Variants in RALA observed in about 807,000 individuals in gnomAD.
RALA encodes ras-related protein Ral-A.
A neutral mutation model predicts 24.0 loss-of-function variants in RALA; 5 were observed. The ratio of observed to expected loss-of-function variants is 0.21; its 90% CI spans 0.11 to 0.44. The LOEUF (loss-of-function observed/expected upper bound fraction) is 0.44. RALA is among the 20% of genes least tolerant of loss of function. The pLI is 0.99. For missense variants in RALA, 95 were observed against 241.2 expected, an observed-to-expected ratio of 0.39 and a Z score of 4.01; for synonymous variants, 77 against 83.8, an observed-to-expected ratio of 0.92 and a Z score of 0.44.
At chr7:39,653,015 C>T (rs1279412148) in intron 1 of RALA, among the ~76,000 whole-genome samples, 1 of 148,600 alleles carries the variant, frequency 6.7e-6, no homozygotes, top group Non-Finnish European at 1.5e-5. Flanking sequence ...CCAGGCTGGT[C>T]TCAAACTATT....
At chr7:39,677,604 G>C (rs1263114264) in intron 1 of RALA, among the ~76,000 whole-genome samples, 8 of 35,878 alleles carry the variant, frequency 2.2e-4, no homozygotes, top group Non-Finnish European at 4.3e-4. Flanking sequence ...GGTATTTCTA[G>C]TTCTAGATCC....
At chr7:39,691,078 C>G (rs564701761) in intron 3 of RALA, among the ~76,000 whole-genome samples, 1 of 152,234 alleles carries the variant, frequency 6.6e-6, no homozygotes, top group South Asian at 2.1e-4. Context: ...TACATGGGAA[C>G]CTTCAGAATG....
At chr7:39,686,481 C>A in intron 1 of RALA, 150 bp from the exon 2 acceptor site, 1 of 503,752 alleles carries the variant, frequency 2.0e-6, no homozygotes. Context: ...CATGGTTTTT[C>A]CCCTAAGTGA....
intron 1 of RALA, among the ~76,000 whole-genome samples, chr7:39,675,433 C>G (rs1397702282): frequency 6.6e-6 from 1 of 152,168 alleles, no homozygotes; most frequent in Non-Finnish European, 1.5e-5. Flanking sequence ...GTTCTTCTGT[C>G]AGTTAGGAAA....
rs374682685 is a variant in RALA, at chr7:39,654,241, G to A, written c.-38+30416G>A. Among the ~76,000 whole-genome samples, 21 of 152,254 alleles carry A rather than the reference G, an allele frequency of 1.4e-4. No individual in the cohort carries two copies. In the East Asian group the frequency reaches 1.7e-3, roughly 13 times the overall value. ...CATTGAATAATATGTTATCAAATAT[G>A]CATTAAATTGGTCGTCTTAGAAATG... On this transcript the variant is annotated intron_variant, in intron 1 of 4. Coordinates refer to ENST00000005257, the MANE Select transcript of RALA (RefSeq NM_005402.4).
intron 1 of RALA, among the ~76,000 whole-genome samples, chr7:39,636,185 G>A (rs528369036): frequency 6.6e-6 from 1 of 152,224 alleles, no homozygotes; most frequent in Non-Finnish European, 1.5e-5. Context: ...ATGTGTTTTT[G>A]CATAGATGTA....
chr7:39,669,401 C>G (rs899654326), intron 1 of RALA, among the ~76,000 whole-genome samples: 4 of 152,096 alleles, frequency 2.6e-5, no homozygotes, highest in Non-Finnish European at 5.9e-5. Flanking sequence ...ACCAAAAGAT[C>G]AGAGAAGCAG....
chr7:39,659,987 T>G lies in RALA; in HGVS notation c.-37-26644T>G, dbSNP rs533687018. 8.0e-4 allele frequency among the ~76,000 whole-genome samples: 122 copies of G among 152,300 alleles called. 4 individuals are homozygous for G. The East Asian group carries it at 0.021, about 27-fold the overall frequency. ...GTGCAGCTCTTGGCCCTTGGATGCC[T>G]GTGGCTGGGAGTCTGAATCTGTCTG... On this transcript the variant is annotated intron_variant, in intron 1 of 4. Coordinates refer to ENST00000005257, the MANE Select transcript of RALA (RefSeq NM_005402.4).
In RALA at chr7:39,706,134, T is replaced by C; in HGVS notation, c.510T>C (p.Asp170=). 3.1e-6 allele frequency: 5 copies of C among 1,603,500 alleles called. No individual in the cohort carries two copies. In the African/African-American group the frequency reaches 5.4e-5, roughly 17 times the overall value. Residue 170 remains aspartate, a synonymous_variant, in exon 5 of 5, where the codon GAT becomes GAC. Transcript: ENST00000005257. ...TRANVDKVFF[D]LMREIRARKM... is the part of the protein sequence containing the mutation. Reference sequence around the variant, plus strand: ...TTTTTTCTTTCTAGGTATTTTTTGATTTAATGAGAGAAATTCGAGCGAGAA... The same window carrying C: ...TTTTTTCTTTCTAGGTATTTTTTGACTTAATGAGAGAAATTCGAGCGAGAA...
chr7:39,697,760 T>G (rs1792947589), intron 4 of RALA, among the ~76,000 whole-genome samples: 1 of 152,150 alleles, frequency 6.6e-6, no homozygotes, highest in African/African-American at 2.4e-5. Flanking sequence ...AAGTACTAGG[T>G]TAAAAAAAAA....
chr7:39,627,996 A>G (rs1791523274), intron 1 of RALA, among the ~76,000 whole-genome samples: 1 of 151,616 alleles, frequency 6.6e-6, no homozygotes, highest in African/African-American at 2.4e-5. Context: ...TTTCTTACCT[A>G]ACCCTTTAGC....
intron 1 of RALA, among the ~76,000 whole-genome samples, chr7:39,667,519 C>G (rs766354363): frequency 1.3e-5 from 2 of 152,198 alleles, no homozygotes; most frequent in Non-Finnish European, 2.9e-5. Context: ...CCAGCATTCC[C>G]GTGAGGGAGG....
At chr7:39,685,004 T>C (rs191657792) in intron 1 of RALA, among the ~76,000 whole-genome samples, 1 of 152,304 alleles carries the variant, frequency 6.6e-6, no homozygotes, top group East Asian at 1.9e-4. Flanking sequence ...ACTAGAGGAA[T>C]ACTTATACTA....
intron 2 of RALA, 44 bp downstream of exon 2, chr7:39,686,825 G>A: frequency 1.4e-6 from 2 of 1,416,536 alleles, no homozygotes; most frequent in Non-Finnish European, 2.0e-6. Flanking sequence ...GGCTTTCAGA[G>A]AGTATTTCCC....
chr7:39,681,579 C>T (rs182269496), intron 1 of RALA, among the ~76,000 whole-genome samples: 15 of 152,120 alleles, frequency 9.9e-5, no homozygotes, highest in African/African-American at 3.6e-4. Context: ...TATCTCACCT[C>T]AGTCGGTCGG....
At chr7:39,666,410 A>T (rs780125191) in intron 1 of RALA, among the ~76,000 whole-genome samples, 39 of 152,370 alleles carry the variant, frequency 2.6e-4, no homozygotes, top group Non-Finnish European at 3.5e-4. Context: ...ATTCAACAGC[A>T]TTCAAGATCA....
chr7:39,636,490 G>T (rs144244908), intron 1 of RALA, among the ~76,000 whole-genome samples: 5 of 152,072 alleles, frequency 3.3e-5, no homozygotes, highest in Non-Finnish European at 7.4e-5. Flanking sequence ...TTAGCATATC[G>T]TGTATGCCTT....
intron 1 of RALA, among the ~76,000 whole-genome samples, chr7:39,680,397 A>AC (rs10631062): frequency 0.46 from 66,890 of 146,414 alleles, 15,796 homozygotes; most frequent in African/African-American, 0.53. Flanking sequence ...AAAAACAAAA[A>AC]AAACACAAAT....
At chr7:39,661,484 C>A (rs190214541) in intron 1 of RALA, among the ~76,000 whole-genome samples, 1 of 152,206 alleles carries the variant, frequency 6.6e-6, no homozygotes, top group Non-Finnish European at 1.5e-5. Context: ...GGTAAATGCA[C>A]CCATTCCAAA....
Sources: gnomAD v4.1 joint callset for allele counts (sites outside exome capture counted in the v4.1 genomes callset) on GRCh38, gnomAD v4.1.1 for gene constraint, MANE v1.5 for transcripts, NCBI Gene and HGNC (gene_info 2026-07-23, HGNC 2026-07-21) for gene names.